The following NAV2 variants were observed in gnomAD, a reference collection of about 807,000 sequenced individuals.
NAV2 encodes neuron navigator 2, also known as helicase, APC down-regulated 1.
Under a neutral mutation model 223.2 loss-of-function variants are expected in NAV2, and 54 were observed. The observed-to-expected ratio is 0.24, with a 90% CI of 0.19 to 0.30. The LOEUF is 0.30. Among genes scored for constraint, NAV2 ranks in the 10% least tolerant of loss-of-function variants. The pLI is 1.00. For synonymous variants in NAV2, 1,279 were observed against 1,239.3 expected (o/e 1.03, Z -0.67); for missense variants, 2,806 against 3,147.5 (o/e 0.89, Z 2.60).
At chr11:19,870,718 G>A (rs2062428523) in intron 4 of NAV2, among the ~76,000 whole-genome samples, 1 of 152,206 alleles carries the variant, frequency 6.6e-6, no homozygotes, top group African/African-American at 2.4e-5. Flanking sequence ...TAAAGTTGGA[G>A]TTTATAACAG....
chr11:20,078,216 G>A lies in NAV2; in HGVS notation c.5179+112G>A, dbSNP rs1198317499. ...TAGAAGACAGTGTCTGCGTAATTCA[G>A]CTCCATGTCAGGCAAGCAGGAACTG... On this transcript the variant is annotated intron_variant, in intron 24 of 37. Coordinates refer to ENST00000349880, the MANE Select transcript of NAV2 (RefSeq NM_145117.5). 7 of 798,790 alleles carry A rather than the reference G, an allele frequency of 8.8e-6. No individual in the cohort carries two copies. In the Admixed American group the frequency reaches 1.1e-4, roughly 12 times the overall value. The allele number at this position is 798,790 out of a possible 1,614,324, so 49.5% of individuals were successfully genotyped here. A position where few individuals can be genotyped will look rare whatever the true frequency, so the allele number is the denominator to read the frequency against.
chr11:19,575,894 C>T (rs1320765940), intron 1 of NAV2, among the ~76,000 whole-genome samples: 1 of 152,166 alleles, frequency 6.6e-6, no homozygotes, highest in East Asian at 1.9e-4. Context: ...GGTGTGTTCC[C>T]TAGTTTTAAG....
intron 1 of NAV2, among the ~76,000 whole-genome samples, chr11:19,431,765 A>C (rs974964674): frequency 6.6e-6 from 1 of 152,250 alleles, no homozygotes; most frequent in Non-Finnish European, 1.5e-5. Context: ...GATGAAATAT[A>C]GTAAGCCAAG....
At chr11:19,421,663 AT>A (rs947943685) in intron 1 of NAV2, among the ~76,000 whole-genome samples, 2 of 150,734 alleles carry the variant, frequency 1.3e-5, no homozygotes, top group African/African-American at 4.9e-5. Context: ...GGAGGTGGAA[AT>A]TTGGAAAACT....
chr11:19,771,331 C>A (rs560659566), intron 1 of NAV2, among the ~76,000 whole-genome samples: 1 of 152,258 alleles, frequency 6.6e-6, no homozygotes, highest in African/African-American at 2.4e-5. Flanking sequence ...GTACTAAGAG[C>A]ATTTACATAC....
chr11:19,601,074 G>GCTAT (rs757996248), intron 1 of NAV2, among the ~76,000 whole-genome samples: 1 of 152,164 alleles, frequency 6.6e-6, no homozygotes, highest in South Asian at 2.1e-4. Flanking sequence ...TTTGAATTCT[G>GCTAT]CTATCTGTCA....
At chr11:19,993,867 G>A (rs1198142912) in intron 11 of NAV2, among the ~76,000 whole-genome samples, 1 of 152,218 alleles carries the variant, frequency 6.6e-6, no homozygotes, top group Non-Finnish European at 1.5e-5. Context: ...GCTGGTGATT[G>A]TTTAGAATTT....
intron 1 of NAV2, among the ~76,000 whole-genome samples, chr11:19,512,483 G>A (rs2043310439): frequency 6.6e-6 from 1 of 152,188 alleles, no homozygotes; most frequent in South Asian, 2.1e-4. Context: ...AGATGACGGG[G>A]AGGGAGGCAG....
At chr11:20,110,540 C>T (rs7102814) in intron 36 of NAV2, among the ~76,000 whole-genome samples, 107,760 of 151,896 alleles carry the variant, frequency 0.71, 41,806 homozygotes, top group Non-Finnish European at 0.88. Flanking sequence ...ACCATGTCCA[C>T]TCAGCAGGGT....
chr11:19,479,265 G>A (rs766753260), intron 1 of NAV2, among the ~76,000 whole-genome samples: 3 of 152,158 alleles, frequency 2.0e-5, no homozygotes, highest in Non-Finnish European at 2.9e-5. Flanking sequence ...CTCTCTGGTG[G>A]CATATTAGGA....
rs1156632890 is a variant in NAV2, at chr11:19,892,725, T to G, written c.931+131T>G. 11 of 964,246 alleles carry G rather than the reference T, an allele frequency of 1.1e-5. No homozygotes were observed. The South Asian group carries it at 2.1e-4, about 18-fold the overall frequency. 59.7% of individuals were successfully genotyped at this position (964,246 alleles called of 1,614,324 possible). A position where few individuals can be genotyped will look rare whatever the true frequency, so the allele number is the denominator to read the frequency against. On this transcript the variant is annotated intron_variant, in intron 6 of 37. Coordinates refer to ENST00000349880, the MANE Select transcript of NAV2 (RefSeq NM_145117.5). Reference sequence around the variant, plus strand: ...GTTGAGAATGAGTTACAAGGACATATTTGGTAGGCAGGAACTTTAGTAGCC... The same window carrying G: ...GTTGAGAATGAGTTACAAGGACATAGTTGGTAGGCAGGAACTTTAGTAGCC...
chr11:19,776,518 G>A (rs377443406), intron 1 of NAV2, among the ~76,000 whole-genome samples: 15 of 152,152 alleles, frequency 9.9e-5, no homozygotes, highest in African/African-American at 3.6e-4. Context: ...CCCAAACTCT[G>A]TCCTTCACGT....
intron 1 of NAV2, among the ~76,000 whole-genome samples, chr11:19,609,710 T>C (rs1450406911): frequency 6.6e-6 from 1 of 152,150 alleles, no homozygotes; most frequent in Non-Finnish European, 1.5e-5. Flanking sequence ...GAGGGGGTTA[T>C]TACCATTAAA....
intron 1 of NAV2, among the ~76,000 whole-genome samples, chr11:19,413,124 T>C (rs1564917165): frequency 6.6e-6 from 1 of 152,002 alleles, no homozygotes; most frequent in Non-Finnish European, 1.5e-5. Context: ...AATAACAAAC[T>C]CCTTCCAGCT....
chr11:19,684,042 C>T (rs186283887), intron 1 of NAV2, among the ~76,000 whole-genome samples: 1 of 152,228 alleles, frequency 6.6e-6, no homozygotes, highest in African/African-American at 2.4e-5. Context: ...GTACACTCCC[C>T]CAATTGTTTT....
chr11:19,684,694 C>T (rs1394361751), intron 1 of NAV2, among the ~76,000 whole-genome samples: 1 of 152,134 alleles, frequency 6.6e-6, no homozygotes, highest in African/African-American at 2.4e-5. Context: ...ACCCCACAGA[C>T]ACCAGAGTGA....
intron 7 of NAV2, among the ~76,000 whole-genome samples, chr11:19,939,346 C>T (rs556501633): frequency 7.2e-5 from 11 of 152,236 alleles, no homozygotes; most frequent in Admixed American, 3.3e-4. Flanking sequence ...CAAATCACCC[C>T]GTACCCTCCA....
At chr11:19,875,501 G>A (rs1451104208) in intron 4 of NAV2, among the ~76,000 whole-genome samples, 2 of 152,170 alleles carry the variant, frequency 1.3e-5, no homozygotes, top group East Asian at 1.9e-4. Context: ...CATAGTGAAG[G>A]TGAAAAATTG....
chr11:19,456,073 T>C (rs1269493178), intron 1 of NAV2, among the ~76,000 whole-genome samples: 1 of 152,100 alleles, frequency 6.6e-6, no homozygotes, highest in Non-Finnish European at 1.5e-5. Context: ...ACCAAGGAGG[T>C]ATAACAATGT....
Sources: gnomAD v4.1 joint callset for allele counts (sites outside exome capture counted in the v4.1 genomes callset) on GRCh38, gnomAD v4.1.1 for gene constraint, MANE v1.5 for transcripts, NCBI Gene and HGNC (gene_info 2026-07-23, HGNC 2026-07-21) for gene names.